The following TET3 variants were observed in gnomAD, a reference collection of about 807,000 sequenced individuals.
The protein encoded by TET3 is methylcytosine dioxygenase TET3.
TET3 carries 19 observed loss-of-function variants against 141.4 expected under a neutral mutation model. The ratio of observed to expected loss-of-function variants is 0.13; its 90% CI spans 0.09 to 0.20. The LOEUF is 0.20. Among genes scored for constraint, TET3 ranks in the 10% least tolerant of loss-of-function variants. The pLI is 1.00. For synonymous variants in TET3, 1,043 were observed against 980.9 expected (o/e 1.06, Z -1.18); for missense variants, 1,874 against 2,356.9 (o/e 0.80, Z 4.24).
chr2:74,003,722 A>G (rs1684999767), intron 3 of TET3, among the ~76,000 whole-genome samples: 1 of 151,616 alleles, frequency 6.6e-6, no homozygotes, highest in Non-Finnish European at 1.5e-5. Context: ...ATGCAACATC[A>G]TGACTGGGAA....
intron 1 of TET3, among the ~76,000 whole-genome samples, chr2:73,985,513 G>A (rs1281652031): frequency 2.1e-5 from 3 of 146,042 alleles, no homozygotes; most frequent in Admixed American, 1.4e-4. Flanking sequence ...GCTGCGCTCC[G>A]GCGGCGGGCG....
chr2:74,066,346 A>C (rs1468951083), intron 4 of TET3, among the ~76,000 whole-genome samples: 1 of 152,228 alleles, frequency 6.6e-6, no homozygotes, highest in Non-Finnish European at 1.5e-5. Context: ...AATGAAAACT[A>C]TTTGAAAATG....
the TET3 span, among the ~76,000 whole-genome samples, chr2:74,114,697 A>G: frequency 1.3e-5 from 2 of 151,522 alleles, no homozygotes; most frequent in African/African-American, 2.4e-5. Context: ...TACTGAAAAT[A>G]CAAAAAATTG....
intron 4 of TET3, among the ~76,000 whole-genome samples, chr2:74,061,374 C>A (rs1350880420): frequency 7.9e-6 from 1 of 125,808 alleles, no homozygotes; most frequent in Admixed American, 7.6e-5. Flanking sequence ...GGGGGGCTGA[C>A]CCCCCCACCT....
At chr2:74,130,669 T>TC in the TET3 span, 1 of 152,134 alleles carries the variant, frequency 6.6e-6, no homozygotes, top group Non-Finnish European at 1.5e-5. Context: ...CGGAACCCCC[T>TC]CCCGTCCCTC....
At chr2:74,100,366 C>T (rs1691115917) in intron 11 of TET3, 27 bp from the exon 12 acceptor site, 2 of 1,549,558 alleles carry the variant, frequency 1.3e-6, no homozygotes, top group African/African-American at 2.7e-5. Flanking sequence ...GTCTGCCCCT[C>T]TGCCATCTTG....
At chr2:74,049,441 T>A (rs1463611409) in intron 4 of TET3, among the ~76,000 whole-genome samples, 1 of 152,028 alleles carries the variant, frequency 6.6e-6, no homozygotes, top group Non-Finnish European at 1.5e-5. Context: ...TGAGGACCAC[T>A]CCCCAATAAG....
At chr2:74,016,582 C>T (rs566798847) in intron 3 of TET3, among the ~76,000 whole-genome samples, 6 of 152,038 alleles carry the variant, frequency 3.9e-5, no homozygotes, top group South Asian at 2.1e-4. Flanking sequence ...ATTAGCCAGG[C>T]GTGGTGGTGC....
At position 74,064,025 on chromosome 2, in the gene TET3, T is replaced by C. The variant is rs534881176; in HGVS notation, c.2495-9524T>C. ...TAAGAAAGCCAGGATAATGCATAAT[T>C]TTCCCCTTAATTACCAATTGTCAGA... On this transcript the variant is annotated intron_variant, in intron 4 of 11. Transcript: ENST00000409262. Among the ~76,000 whole-genome samples, 10 of 152,336 alleles carry C rather than the reference T, an allele frequency of 6.6e-5. No homozygotes were observed. In the South Asian group the frequency reaches 2.1e-3, roughly 32 times the overall value.
chr2:74,004,130 G>A (rs1047846420), intron 3 of TET3, among the ~76,000 whole-genome samples: 13 of 152,088 alleles, frequency 8.5e-5, no homozygotes, highest in African/African-American at 2.9e-4. Flanking sequence ...GGGAGCATGG[G>A]GCAGGTGGGC....
At chr2:74,002,998 C>A (rs918719589) in intron 2 of TET3, 112 bp from the exon 3 acceptor site, 12 of 1,132,648 alleles carry the variant, frequency 1.1e-5, no homozygotes, top group African/African-American at 1.5e-5. Context: ...CAGGCTGTAT[C>A]CCCTCCCGTT....
intron 4 of TET3, among the ~76,000 whole-genome samples, chr2:74,054,425 T>C (rs1688108276): frequency 6.6e-6 from 1 of 152,176 alleles, no homozygotes; most frequent in African/African-American, 2.4e-5. Context: ...ACTGGGTTGA[T>C]GGTGCTGCCT....
intron 2 of TET3, among the ~76,000 whole-genome samples, chr2:73,998,862 G>A (rs2105121110): frequency 6.6e-6 from 1 of 152,200 alleles, no homozygotes; most frequent in South Asian, 2.1e-4. Context: ...TTCCCTCATA[G>A]TCAATTCCAA....
intron 3 of TET3, among the ~76,000 whole-genome samples, chr2:74,003,503 G>A (rs1196791453): frequency 7.3e-6 from 1 of 136,990 alleles, no homozygotes; most frequent in South Asian, 2.6e-4. Context: ...GAATGTCCCT[G>A]GCACTGTTGG....
Position 74,088,034 on chromosome 2 carries a change from G to A in TET3, c.2884G>A (p.Asp962Asn), listed in dbSNP as rs1249315303. The A allele has an allele frequency of 7.1e-6, 11 of 1,557,788 alleles. No homozygotes were observed. Among genetic ancestry groups the A allele is most frequent in the Admixed American group, 3.9e-5 (2 of 51,824 alleles). Residue 962 changes from aspartate to asparagine, a missense_variant, in exon 7 of 12, where the codon GAT (aspartate) becomes AAT (asparagine). Asp to Asn is a conservative substitution (Grantham distance 23). Coordinates refer to ENST00000409262, the MANE Select transcript of TET3 (RefSeq NM_001287491.2). ...CACCAGCCGGAGATGCGGCCTCAACGATGAGTATGTAGCAGAGGGCTTCAG... is the reference window on the plus strand; with the variant it reads ...CACCAGCCGGAGATGCGGCCTCAACAATGAGTATGTAGCAGAGGGCTTCAG... Reference protein sequence around the residue: ...NPTSRRCGLNDDRTCACQGKD... With the variant: ...NPTSRRCGLNNDRTCACQGKD...
rs1689750482 is a variant in TET3 at position 74,080,537 on chromosome 2, C to A, written c.2625C>A (p.Val875=). Residue 875 remains valine, a synonymous_variant, in exon 6 of 12, where the codon GTC becomes GTA. Transcript: ENST00000409262. ...EKGKAIRIEK[V]IYTGKEGKSS... is the part of the protein sequence containing the mutation. The stretch of plus-strand genomic sequence containing the variant: ...GGAAAGCCATCCGGATCGAGAAGGT[C>A]ATCTACACGGGGAAGGAGGGAAAGA... 6.2e-7 allele frequency: 1 copy of A among 1,612,220 alleles called. No homozygotes were observed. The highest frequency in any genetic ancestry group is 1.1e-5 in the South Asian group (1 of 90,926).
chr2:74,031,984 A>T (rs762733051), intron 3 of TET3, among the ~76,000 whole-genome samples: 3 of 152,216 alleles, frequency 2.0e-5, no homozygotes, highest in Admixed American at 6.5e-5. Flanking sequence ...GCTTTGGAGT[A>T]TGTTAGTTAT....
the TET3 span, among the ~76,000 whole-genome samples, chr2:74,123,389 C>T: frequency 3.3e-5 from 5 of 151,622 alleles, no homozygotes; most frequent in African/African-American, 4.9e-5. Flanking sequence ...GAGGCCAAGG[C>T]GGGCGGATCA....
chr2:74,094,621 G>A (rs1265492095), intron 10 of TET3, among the ~76,000 whole-genome samples: 1 of 152,156 alleles, frequency 6.6e-6, no homozygotes, highest in African/African-American at 2.4e-5. Context: ...AGGAGGCTGG[G>A]GCAGCCATCC....
Sources: gnomAD v4.1 joint callset for allele counts (sites outside exome capture counted in the v4.1 genomes callset) on GRCh38, gnomAD v4.1.1 for gene constraint, MANE v1.5 for transcripts, NCBI Gene and HGNC (gene_info 2026-07-23, HGNC 2026-07-21) for gene names.